The following RSBN1L variants were observed in gnomAD, a reference collection of about 807,000 sequenced individuals.
The protein encoded by RSBN1L is lysine-specific demethylase RSBN1L.
In RSBN1L, 30 loss-of-function variants were observed where a neutral mutation model predicts 67.7. The observed-to-expected ratio is 0.44, with a 90% CI of 0.33 to 0.60. RSBN1L has a LOEUF of 0.60. Ranked by LOEUF, RSBN1L falls within the 20% of genes least tolerant of loss-of-function variation. The pLI is 0.02. For synonymous variants in RSBN1L, 433 were observed against 387.0 expected, an observed-to-expected ratio of 1.12 and a Z score of -1.39; for missense variants, 992 against 1,031.7, an observed-to-expected ratio of 0.96 and a Z score of 0.53.
Position 77,749,553 on chromosome 7 carries a change from C to T in RSBN1L, c.833C>T (p.Thr278Ile). The T allele has an allele frequency of 1.2e-6, 2 of 1,613,676 alleles. No individual in the cohort carries two copies. The highest frequency in any genetic ancestry group is 4.5e-5 in the East Asian group (2 of 44,868). Residue 278 changes from threonine to isoleucine, a missense_variant, in exon 3 of 8, where the codon ACC becomes ATC. Thr to Ile is a moderately conservative substitution (Grantham distance 89, BLOSUM62 -1). Around this residue, in one of 7 missense-constraint regions of RSBN1L, gnomAD observed 575 missense variants for 483.2 expected, o/e 1.19. Transcript: ENST00000334955. Reference protein sequence around the residue: ...RPKMYSKSIQTICSGLLTDVE... With the variant: ...RPKMYSKSIQIICSGLLTDVE... ...AAAATGTATAGCAAATCTATTCAGA[C>T]CATCTGCTCAGGATTGCTAACTGAT...
At chr7:77,754,492 TTTAAGATTTATTCCTG>T (rs1224814210) in intron 3 of RSBN1L, among the ~76,000 whole-genome samples, 1 of 152,220 alleles carries the variant, frequency 6.6e-6, no homozygotes, top group Non-Finnish European at 1.5e-5. Context: ...CTTGCAGATT[TTTAAGATTTATTCCTG>T]TATATTCAAG....
chr7:77,766,405 G>C (rs905193034), intron 4 of RSBN1L, among the ~76,000 whole-genome samples: 4 of 152,086 alleles, frequency 2.6e-5, no homozygotes, highest in African/African-American at 7.2e-5. Flanking sequence ...GGCTGGTCTT[G>C]AACTCTTGGA....
chr7:77,755,211 T>C (rs996792654), intron 3 of RSBN1L, among the ~76,000 whole-genome samples: 5 of 152,188 alleles, frequency 3.3e-5, no homozygotes, highest in Non-Finnish European at 7.4e-5. Context: ...TTGTGGATAA[T>C]AAAGCCAAAT....
intron 1 of RSBN1L, among the ~76,000 whole-genome samples, chr7:77,705,093 T>C (rs1429531577): frequency 6.6e-6 from 1 of 152,168 alleles, no homozygotes; most frequent in Non-Finnish European, 1.5e-5. Flanking sequence ...CCCCATACTA[T>C]CATTAATTTG....
In RSBN1L at chr7:77,704,105, A is replaced by T. The variant is rs1790857416; in HGVS notation, c.586+7050A>T. Among the ~76,000 whole-genome samples, 3 of 152,144 alleles carry T rather than the reference A, an allele frequency of 2.0e-5. 1 individual carries two copies. In the South Asian group the frequency reaches 6.2e-4, roughly 32 times the overall value. On this transcript the variant is annotated intron_variant, in intron 1 of 7. Coordinates refer to ENST00000334955, the MANE Select transcript of RSBN1L (RefSeq NM_198467.3). ...TGCTAGTTCCTGACCTTTCTTTCATACCTAACGCATTGGAGACATGTAGTT... is the reference window on the plus strand; with the variant it reads ...TGCTAGTTCCTGACCTTTCTTTCATTCCTAACGCATTGGAGACATGTAGTT...
At position 77,696,896 on chromosome 7, in the gene RSBN1L, C is replaced by G; in HGVS notation, c.427C>G (p.Leu143Val). 1 of 1,606,470 alleles carries G rather than the reference C, an allele frequency of 6.2e-7. No homozygotes were observed. The highest frequency in any genetic ancestry group is 8.5e-7 in the Non-Finnish European group (1 of 1,179,600). The change falls in exon 1 of 8, where the codon CTC becomes GTC. Residue 143 changes from leucine to valine, a missense_variant. Physicochemically the swap from Leu to Val is conservative, Grantham distance 32. Coordinates refer to ENST00000334955, the MANE Select transcript of RSBN1L (RefSeq NM_198467.3). ...TLLHAQPHHL[L>V]LPAAAAAASA... Reference sequence around the variant, plus strand: ...GCTGCACGCTCAGCCTCACCATCTCCTCCTGCCCGCCGCCGCCGCCGCTGC... The same window carrying G: ...GCTGCACGCTCAGCCTCACCATCTCGTCCTGCCCGCCGCCGCCGCCGCTGC...
intron 2 of RSBN1L, among the ~76,000 whole-genome samples, chr7:77,741,255 G>A (rs1791406673): frequency 6.6e-6 from 1 of 151,708 alleles, no homozygotes; most frequent in Admixed American, 6.6e-5. Flanking sequence ...CCAAAGTGCT[G>A]GGATTACAGG....
At chr7:77,697,133 G>T (rs571170627) in intron 1 of RSBN1L, 78 bp downstream of exon 1, 8 of 1,291,556 alleles carry the variant, frequency 6.2e-6, no homozygotes, top group Admixed American at 4.2e-5. Flanking sequence ...GGCCCGGGAA[G>T]GGGGAGCGCG....
chr7:77,715,497 G>T (rs1357645811), intron 1 of RSBN1L, among the ~76,000 whole-genome samples: 1 of 151,932 alleles, frequency 6.6e-6, no homozygotes, highest in Non-Finnish European at 1.5e-5. Flanking sequence ...TAGTCAAGAT[G>T]GGGGGCTCAC....
intron 1 of RSBN1L, among the ~76,000 whole-genome samples, chr7:77,705,449 A>G (rs1790878290): frequency 6.6e-6 from 1 of 150,598 alleles, no homozygotes; most frequent in Non-Finnish European, 1.5e-5. Flanking sequence ...TTGTCCCATT[A>G]TTAATGATGC....
chr7:77,762,935 A>G (rs1480745298), intron 3 of RSBN1L, among the ~76,000 whole-genome samples: 1 of 152,148 alleles, frequency 6.6e-6, no homozygotes, highest in African/African-American at 2.4e-5. Flanking sequence ...TTCTTTCCTA[A>G]CAGTCATCCC....
At position 77,725,243 on chromosome 7, in the gene RSBN1L, A is replaced by AATTTTTT. The variant is rs1554338354; in HGVS notation, c.587-11167_587-11166insATTTTTT. Among the ~76,000 whole-genome samples the AATTTTTT allele has an allele frequency of 6.4e-4, 37 of 57,874 alleles. 1 individual carries two copies. Among genetic ancestry groups the AATTTTTT allele is most frequent in the African/African-American group, 2.7e-3 (31 of 11,296 alleles). 38.0% of individuals were successfully genotyped at this position (57,874 alleles called of 152,430 possible). ...TTTCTTCCCTAGGGATAAGCCCCCCACTTTTTTTTTTTTTTTTTTTTTGAG... is the reference window on the plus strand; with the variant it reads ...TTTCTTCCCTAGGGATAAGCCCCCCAATTTTTTCTTTTTTTTTTTTTTTTTTTTTGAG... On this transcript the variant is annotated intron_variant, in intron 1 of 7. Coordinates refer to ENST00000334955, the MANE Select transcript of RSBN1L (RefSeq NM_198467.3).
At chr7:77,758,156 G>C (rs1431575139) in intron 3 of RSBN1L, among the ~76,000 whole-genome samples, 4 of 152,104 alleles carry the variant, frequency 2.6e-5, no homozygotes, top group Admixed American at 2.6e-4. Context: ...TTTCTTATAT[G>C]ATGGTAGAAG....
intron 1 of RSBN1L, among the ~76,000 whole-genome samples, chr7:77,731,030 A>C (rs1791265560): frequency 6.6e-6 from 1 of 152,150 alleles, no homozygotes; most frequent in Non-Finnish European, 1.5e-5. Context: ...TATTTTTGTC[A>C]GCATTTGGTG....
intron 2 of RSBN1L, among the ~76,000 whole-genome samples, chr7:77,740,353 A>C (rs58642722): frequency 6.6e-6 from 1 of 152,180 alleles, no homozygotes; most frequent in Admixed American, 6.5e-5. Context: ...TTTAGAGTAA[A>C]TGTTTGTCAT....
chr7:77,744,732 T>TATAA (rs1199188649), intron 2 of RSBN1L, among the ~76,000 whole-genome samples: 1 of 152,152 alleles, frequency 6.6e-6, no homozygotes, highest in Non-Finnish European at 1.5e-5. Context: ...ATAGACTCTT[T>TATAA]AGAGAATTAA....
intron 1 of RSBN1L, among the ~76,000 whole-genome samples, chr7:77,705,845 G>A (rs957797827): frequency 3.3e-5 from 5 of 151,904 alleles, no homozygotes; most frequent in African/African-American, 1.2e-4. Flanking sequence ...TGTAATCTGT[G>A]GGGTGATGCT....
At chr7:77,751,251 T>C (rs538890435) in intron 3 of RSBN1L, among the ~76,000 whole-genome samples, 1 of 152,276 alleles carries the variant, frequency 6.6e-6, no homozygotes, top group African/African-American at 2.4e-5. Context: ...GCGATTCTCC[T>C]GATTCAGCCT....
chr7:77,772,392 C>A (rs984871950), intron 5 of RSBN1L, among the ~76,000 whole-genome samples: 1 of 152,136 alleles, frequency 6.6e-6, no homozygotes, highest in Non-Finnish European at 1.5e-5. Context: ...GACTCTCTGC[C>A]AAAGAAATTC....
Sources: allele counts gnomAD v4.1 joint callset (sites outside exome capture counted in the v4.1 genomes callset), GRCh38; gene constraint gnomAD v4.1.1; regional missense constraint gnomAD v4.1.1; transcripts MANE v1.5; gene names NCBI Gene and HGNC (gene_info 2026-07-23, HGNC 2026-07-21).